NUAK1: variants seen among roughly 807,000 people sequenced by gnomAD.
NUAK1 encodes NUAK family kinase 1, also known as NUAK family SNF1-like kinase 1.
A neutral mutation model predicts 56.9 loss-of-function variants in NUAK1; 26 were observed. The observed-to-expected ratio is 0.46, with a 90% CI of 0.33 to 0.63. The LOEUF is 0.63. Among genes scored for constraint, NUAK1 ranks in the 30% least tolerant of loss-of-function variants. The probability of loss-of-function intolerance (pLI) is 0.02; values close to 1 mark genes in which losing one functional copy is unlikely to be tolerated. For missense variants in NUAK1, 727 were observed against 876.1 expected (o/e 0.83, Z 2.15); for synonymous variants, 337 against 336.0 (o/e 1.00, Z -0.03).
chr12:106,125,606 G>A (rs923219097), intron 1 of NUAK1, among the ~76,000 whole-genome samples: 3 of 152,202 alleles, frequency 2.0e-5, no homozygotes, highest in Non-Finnish European at 2.9e-5. Context: ...TTCCTGCTAT[G>A]AGGGTTGTTA....
At chr12:106,079,140 A>T (rs574023608) in intron 4 of NUAK1, among the ~76,000 whole-genome samples, 1 of 152,286 alleles carries the variant, frequency 6.6e-6, no homozygotes, top group East Asian at 1.9e-4. Context: ...AAATGATGTA[A>T]TCACACCCAC....
intron 3 of NUAK1, among the ~76,000 whole-genome samples, chr12:106,084,937 T>C (rs1428726970): frequency 6.6e-6 from 1 of 152,224 alleles, no homozygotes; most frequent in Non-Finnish European, 1.5e-5. Context: ...TGGTTCTTTC[T>C]TGTTTATTTT....
chr12:106,121,619 G>A lies in NUAK1; in HGVS notation c.241-15094C>T, dbSNP rs1384039960. Among the ~76,000 whole-genome samples the A allele has an allele frequency of 9.9e-5, 15 of 152,138 alleles. No individual in the cohort carries two copies. The East Asian group carries it at 1.7e-3, about 18-fold the overall frequency. On this transcript the variant is annotated intron_variant, in intron 1 of 6. Transcript: ENST00000261402. ...ACAAAAATTAGCTGGGCATGGTGGCGGGTGCCTGCAATCCCAGCTACTTGG... is the reference window on the plus strand; with the variant it reads ...ACAAAAATTAGCTGGGCATGGTGGCAGGTGCCTGCAATCCCAGCTACTTGG...
chr12:106,086,590 G>A (rs2032572663), intron 3 of NUAK1, 144 bp downstream of exon 3: 5 of 749,782 alleles, frequency 6.7e-6, no homozygotes, highest in Non-Finnish European at 9.3e-6. Flanking sequence ...CAGAATCACG[G>A]GTGATGGTAA....
intron 1 of NUAK1, among the ~76,000 whole-genome samples, chr12:106,120,196 G>A (rs1055789576): frequency 2.0e-5 from 3 of 151,908 alleles, no homozygotes; most frequent in East Asian, 1.9e-4. Context: ...TTCCAATATC[G>A]CAGTCTCTAC....
intron 1 of NUAK1, among the ~76,000 whole-genome samples, chr12:106,108,510 C>T (rs954207022): frequency 1.3e-4 from 20 of 150,524 alleles, no homozygotes; most frequent in Middle Eastern, 3.2e-3. Context: ...CCTTCACTTA[C>T]GTCAAATGTA....
Position 106,066,670 on chromosome 12 carries a change from G to T in NUAK1, c.*132C>A. The stretch of plus-strand genomic sequence containing the variant: ...GGTGTTGGCTCAAGGCTGCAAACTT[G>T]GCCAAGTGAGACAGTGCCAATCCTT... On this transcript the variant is annotated 3_prime_UTR_variant, in exon 7 of 7. Coordinates refer to ENST00000261402, the MANE Select transcript of NUAK1 (RefSeq NM_014840.3). The T allele has an allele frequency of 1.3e-6, 1 of 781,782 alleles. No homozygotes were observed. The highest frequency in any genetic ancestry group is 2.1e-6 in the Non-Finnish European group (1 of 478,366). The allele number at this position is 781,782 out of a possible 1,614,324, so 48.4% of individuals were successfully genotyped here. A position where few individuals can be genotyped will look rare whatever the true frequency, so the allele number is the denominator to read the frequency against.
At chr12:106,109,903 G>A (rs116714437) in intron 1 of NUAK1, among the ~76,000 whole-genome samples, 1 of 152,136 alleles carries the variant, frequency 6.6e-6, no homozygotes, top group Non-Finnish European at 1.5e-5. Context: ...TCTGTAAGTA[G>A]AACCTTCCCT....
chr12:106,101,533 G>A (rs901276507), intron 2 of NUAK1, among the ~76,000 whole-genome samples: 2 of 152,160 alleles, frequency 1.3e-5, no homozygotes, highest in Non-Finnish European at 2.9e-5. Flanking sequence ...GGTGGGAAGA[G>A]GTATGAAGAC....
At chr12:106,119,270 T>C (rs566558427) in intron 1 of NUAK1, among the ~76,000 whole-genome samples, 1 of 152,268 alleles carries the variant, frequency 6.6e-6, no homozygotes, top group African/African-American at 2.4e-5. Flanking sequence ...AAAATACACT[T>C]GACCTTGAGT....
At position 106,102,954 on chromosome 12, in the gene NUAK1, T is replaced by G. The variant is rs12230544; in HGVS notation, c.361+3451A>C. The stretch of plus-strand genomic sequence containing the variant: ...TTGATAGAAATTATTTCTAGTAACC[T>G]AAAGACCTTCCTCACACTGCTATGC... On this transcript the variant is annotated intron_variant, in intron 2 of 6. Transcript: ENST00000261402. Among the ~76,000 whole-genome samples, 757 of 152,302 alleles carry G rather than the reference T, an allele frequency of 5.0e-3. 20 individuals are homozygous for G. The East Asian group carries it at 0.078, about 16-fold the overall frequency.
intron 1 of NUAK1, among the ~76,000 whole-genome samples, chr12:106,134,175 G>A (rs980809256): frequency 6.6e-6 from 1 of 152,248 alleles, no homozygotes; most frequent in Non-Finnish European, 1.5e-5. Context: ...GTCCCACCTC[G>A]AAGATGACAA....
intron 2 of NUAK1, chr12:106,104,268 G>A (rs557979593): frequency 1.3e-5 from 2 of 152,274 alleles, no homozygotes; most frequent in Non-Finnish European, 2.9e-5. Context: ...GTTTCACCAT[G>A]TTGGCCGGGC....
intron 1 of NUAK1, among the ~76,000 whole-genome samples, chr12:106,129,443 T>C (rs1313300265): frequency 6.6e-6 from 1 of 152,226 alleles, no homozygotes; most frequent in East Asian, 1.9e-4. Flanking sequence ...ACAGCAGCCC[T>C]GCTGCCTTTC....
intron 2 of NUAK1, among the ~76,000 whole-genome samples, chr12:106,091,992 T>C (rs2136465212): frequency 6.6e-6 from 1 of 151,712 alleles, no homozygotes; most frequent in Non-Finnish European, 1.5e-5. Flanking sequence ...GGCTGGGAGT[T>C]TGAGACCAAC....
At position 106,138,316 on chromosome 12, in the gene NUAK1, G is replaced by T; in HGVS notation, c.240+98C>A. ...TCCCAATGAGCCCCCTCTCTGTCAA[G>T]AGAGCCCCAGGGCGCACAGACCCCC... On this transcript the variant is annotated intron_variant, in intron 1 of 6. Coordinates refer to ENST00000261402, the MANE Select transcript of NUAK1 (RefSeq NM_014840.3). The surrounding 1 kb of genome is among the most constrained non-coding windows in gnomAD (Gnocchi z 5.0). The T allele has an allele frequency of 6.9e-7, 1 of 1,455,216 alleles. No homozygotes were observed. The highest frequency in any genetic ancestry group is 9.0e-7 in the Non-Finnish European group (1 of 1,105,040). The allele number at this position is 1,455,216 out of a possible 1,614,324, so 90.1% of individuals were successfully genotyped here. A position where few individuals can be genotyped will look rare whatever the true frequency, so the allele number is the denominator to read the frequency against.
intron 1 of NUAK1, among the ~76,000 whole-genome samples, chr12:106,122,899 AAT>A (rs2136480524): frequency 6.6e-6 from 1 of 152,350 alleles, no homozygotes; most frequent in East Asian, 1.9e-4. Context: ...CACTGGACTG[AAT>A]AAGCTCCTCA....
chr12:106,067,136 A>G lies in NUAK1; in HGVS notation c.1652T>C (p.Leu551Pro), dbSNP rs748176544. Residue 551 changes from leucine to proline, a missense_variant, in exon 7 of 7, where the codon CTG becomes CCG. By Grantham distance (98) the Leu-to-Pro change is moderately conservative (BLOSUM62 -3). Coordinates refer to ENST00000261402, the MANE Select transcript of NUAK1 (RefSeq NM_014840.3). The surrounding 1 kb of genome is among the most constrained non-coding windows in gnomAD (Gnocchi z 6.0). ...VSPEMPTLESLSEPGVPAEGL... is the reference protein window; with the variant it reads ...VSPEMPTLESPSEPGVPAEGL... Reference sequence around the variant, plus strand: ...CTCGGCAGGGACACCAGGCTCTGACAGGGATTCCAGTGTGGGCATTTCAGG... The same window carrying G: ...CTCGGCAGGGACACCAGGCTCTGACGGGGATTCCAGTGTGGGCATTTCAGG... 1.2e-6 allele frequency: 2 copies of G among 1,614,192 alleles called. No individual in the cohort carries two copies. The highest frequency in any genetic ancestry group is 8.5e-7 in the Non-Finnish European group (1 of 1,180,022).
intron 1 of NUAK1, among the ~76,000 whole-genome samples, chr12:106,125,043 G>A (rs1266665475): frequency 7.0e-6 from 1 of 143,698 alleles, no homozygotes; most frequent in Non-Finnish European, 1.5e-5. Flanking sequence ...AATATCTGTT[G>A]AATGGATAAT....
Sources: gnomAD v4.1 joint callset for allele counts (sites outside exome capture counted in the v4.1 genomes callset) on GRCh38, gnomAD v4.1.1 for gene constraint, Gnocchi (gnomAD v3.1) non-coding constraint, MANE v1.5 for transcripts, NCBI Gene and HGNC (gene_info 2026-07-23, HGNC 2026-07-21) for gene names.